The following PLD5 variants were observed in gnomAD, a reference collection of about 807,000 sequenced individuals.
PLD5 encodes inactive phospholipase D5.
A neutral mutation model predicts 61.1 loss-of-function variants in PLD5; 36 were observed. The ratio of observed to expected loss-of-function variants is 0.59; its 90% CI spans 0.45 to 0.78. The LOEUF (loss-of-function observed/expected upper bound fraction) is 0.78. Ranked by LOEUF, PLD5 falls within the 30% of genes least tolerant of loss-of-function variation. The pLI is 0.00. For synonymous variants in PLD5, 243 were observed against 242.8 expected, an observed-to-expected ratio of 1.00 and a Z score of -0.01; for missense variants, 515 against 644.4, an observed-to-expected ratio of 0.80 and a Z score of 2.17.
intron 5 of PLD5, chr1:242,178,399 C>T (rs1252837749): frequency 2.6e-5 from 4 of 152,200 alleles, no homozygotes; most frequent in Non-Finnish European, 4.4e-5. Context: ...GCATTGCTCT[C>T]ATCTATGGGG....
At chr1:242,294,564 A>T (rs1459315472) in intron 2 of PLD5, among the ~76,000 whole-genome samples, 1 of 152,182 alleles carries the variant, frequency 6.6e-6, no homozygotes, top group Non-Finnish European at 1.5e-5. Context: ...TATTGTAGAG[A>T]ACAGTTTAAA....
chr1:242,163,250 T>TA (rs2148852026), intron 5 of PLD5, among the ~76,000 whole-genome samples: 2 of 149,180 alleles, frequency 1.3e-5, no homozygotes, highest in South Asian at 4.2e-4. Flanking sequence ...TTCATGCCAT[T>TA]CTCCTGCCTC....
intron 1 of PLD5, among the ~76,000 whole-genome samples, chr1:242,375,365 C>A (rs944892592): frequency 3.9e-5 from 6 of 152,200 alleles, no homozygotes; most frequent in Non-Finnish European, 7.3e-5. Flanking sequence ...AAGGTCTGAG[C>A]AGCCCTGCTG....
chr1:242,122,081 A>G (rs1162680874), intron 6 of PLD5, among the ~76,000 whole-genome samples: 1 of 152,188 alleles, frequency 6.6e-6, no homozygotes, highest in Non-Finnish European at 1.5e-5. Flanking sequence ...CTAGAACTTA[A>G]AGTATAATTT....
At chr1:242,129,577 G>T (rs1477579925) in intron 5 of PLD5, among the ~76,000 whole-genome samples, 10 of 152,200 alleles carry the variant, frequency 6.6e-5, no homozygotes, top group Non-Finnish European at 1.5e-4. Context: ...GGTTGCTGAT[G>T]AATTTCTATG....
chr1:242,113,665 A>C (rs1469641381), intron 7 of PLD5, among the ~76,000 whole-genome samples: 1 of 152,184 alleles, frequency 6.6e-6, no homozygotes, highest in Admixed American at 6.5e-5. Flanking sequence ...TAAACTACTG[A>C]GGTACTTCTG....
intron 7 of PLD5, among the ~76,000 whole-genome samples, chr1:242,111,771 A>G (rs1661523192): frequency 6.6e-6 from 1 of 150,676 alleles, no homozygotes; most frequent in Non-Finnish European, 1.5e-5. Context: ...TGTCTCTTTG[A>G]TGACCTTTCA....
At position 242,284,509 on chromosome 1, in the gene PLD5, G is replaced by A. The variant is rs1181754381; in HGVS notation, c.495+3853C>T. ...CCAGACCTTTTAATGCTAACCTGTT[G>A]TGCATACCGCTCTAGGGGTTGAGAG... On this transcript the variant is annotated intron_variant, in intron 3 of 9. Transcript: ENST00000536534. Among the ~76,000 whole-genome samples the A allele has an allele frequency of 2.0e-5, 3 of 152,140 alleles. No individual in the cohort carries two copies. The East Asian group carries it at 5.8e-4, about 29-fold the overall frequency.
chr1:242,486,516 A>T (rs1463016410), intron 1 of PLD5, among the ~76,000 whole-genome samples: 2 of 152,216 alleles, frequency 1.3e-5, no homozygotes, highest in African/African-American at 4.8e-5. Flanking sequence ...ATGAGATACC[A>T]TCTCACACCA....
intron 3 of PLD5, among the ~76,000 whole-genome samples, chr1:242,278,885 C>A (rs1674558703): frequency 2.6e-5 from 4 of 152,136 alleles, no homozygotes; most frequent in Admixed American, 2.6e-4. Context: ...TTCTGTGGAG[C>A]AGGGAATAGA....
intron 1 of PLD5, among the ~76,000 whole-genome samples, chr1:242,484,622 C>A (rs1667895798): frequency 6.6e-6 from 1 of 152,150 alleles, no homozygotes; most frequent in African/African-American, 2.4e-5. Flanking sequence ...CTGAATTCTA[C>A]CAGAGGTACA....
chr1:242,240,680 G>A (rs1330782849), intron 4 of PLD5, among the ~76,000 whole-genome samples: 1 of 151,958 alleles, frequency 6.6e-6, no homozygotes, highest in African/African-American at 2.4e-5. Context: ...AAAATGTAGT[G>A]CAAAAAAAAC....
At chr1:242,361,906 G>T (rs6675512) in intron 1 of PLD5, among the ~76,000 whole-genome samples, 5,256 of 151,700 alleles carry the variant, frequency 0.035, 186 homozygotes, top group African/African-American at 0.094. Context: ...AGGCCGAGGT[G>T]GGAGGATTGC....
At chr1:242,188,482 C>A (rs781089572) in intron 5 of PLD5, among the ~76,000 whole-genome samples, 2 of 152,150 alleles carry the variant, frequency 1.3e-5, no homozygotes, top group Non-Finnish European at 2.9e-5. Context: ...AGTGGAGGCA[C>A]TGGTGTGATG....
rs556952003 is a variant in PLD5, at chr1:242,403,875, TTGAACTAGA to T, written c.190-55642_190-55634del. Among the ~76,000 whole-genome samples the T allele has an allele frequency of 1.1e-3, 171 of 152,320 alleles. 2 individuals are homozygous for T. The highest frequency in any genetic ancestry group is 3.8e-3 in the African/African-American group (159 of 41,570). On this transcript the variant is annotated intron_variant, in intron 1 of 9. Coordinates refer to ENST00000536534, the MANE Select transcript of PLD5 (RefSeq NM_001372062.1). ...TCTCAATCCCTTCCTCAGTGTGAGT[TTGAACTAGA>T]TGAACTCTGAGGTTCCTTCCAATTC...
chr1:242,222,843 T>C (rs1021197245), intron 4 of PLD5, among the ~76,000 whole-genome samples: 5 of 152,352 alleles, frequency 3.3e-5, no homozygotes, highest in Admixed American at 2.6e-4. Context: ...TACTTAATGA[T>C]GCCTAAAATT....
chr1:242,325,472 T>TAGGGGGG (rs1658698833), intron 2 of PLD5, among the ~76,000 whole-genome samples: 1 of 53,568 alleles, frequency 1.9e-5, no homozygotes, highest in African/African-American at 7.7e-5. Flanking sequence ...ACAGAGAGAG[T>TAGGGGGG]AGGGGGGAGA....
chr1:242,335,784 T>C (rs1659465697), intron 2 of PLD5, among the ~76,000 whole-genome samples: 1 of 152,210 alleles, frequency 6.6e-6, no homozygotes, highest in Non-Finnish European at 1.5e-5. Flanking sequence ...TTTTCAATGT[T>C]CTATGAAGGT....
intron 5 of PLD5, 129 bp from the exon 6 acceptor site, chr1:242,124,794 A>G (rs958869916): frequency 8.1e-6 from 6 of 744,546 alleles, no homozygotes; most frequent in Middle Eastern, 3.7e-4. Flanking sequence ...AAGTAGATAT[A>G]GTTACATTAT....
Sources: allele counts gnomAD v4.1 joint callset (sites outside exome capture counted in the v4.1 genomes callset), GRCh38; gene constraint gnomAD v4.1.1; transcripts MANE v1.5; gene names NCBI Gene and HGNC (gene_info 2026-07-23, HGNC 2026-07-21).